Variants in C1orf21 observed in about 807,000 individuals in gnomAD.
C1orf21 encodes uncharacterized protein C1orf21.
A neutral mutation model predicts 18.7 loss-of-function variants in C1orf21; 3 were observed. The observed-to-expected ratio is 0.16, with a 90% CI of 0.07 to 0.42. The LOEUF (loss-of-function observed/expected upper bound fraction) is 0.42. Among genes scored for constraint, C1orf21 ranks in the 10% least tolerant of loss-of-function variants. The probability of loss-of-function intolerance (pLI) is 0.99; values close to 1 mark genes in which losing one functional copy is unlikely to be tolerated. For synonymous variants in C1orf21, 41 were observed against 46.4 expected (o/e 0.88, Z 0.47); for missense variants, 104 against 143.6 (o/e 0.72, Z 1.41).
intron 5 of C1orf21, among the ~76,000 whole-genome samples, chr1:184,610,826 A>G (rs1659724181): frequency 6.6e-6 from 1 of 151,074 alleles, no homozygotes; most frequent in Non-Finnish European, 1.5e-5. Context: ...CAGCCTGAGC[A>G]ACAGAGCGAG....
rs191709889 is a variant in C1orf21, at chr1:184,621,250, T to A, written c.*1694T>A. 5.2e-5 allele frequency: 8 copies of A among 152,776 alleles called. No individual in the cohort carries two copies. The highest frequency in any genetic ancestry group is 1.9e-4 in the African/African-American group (8 of 41,588). The allele number at this position is 152,776 out of a possible 1,614,324, so 9.5% of individuals were successfully genotyped here. On this transcript the variant is annotated 3_prime_UTR_variant, in exon 6 of 6. Transcript: ENST00000235307. ...GGGAAGGAAACTTAGCAGAGTGCTATTGACTATAGATTCACATATTAGCAA... is the reference window on the plus strand; with the variant it reads ...GGGAAGGAAACTTAGCAGAGTGCTAATGACTATAGATTCACATATTAGCAA...
intron 1 of C1orf21, among the ~76,000 whole-genome samples, chr1:184,390,410 A>C (rs1253133584): frequency 6.6e-6 from 1 of 152,326 alleles, no homozygotes; most frequent in East Asian, 1.9e-4. Context: ...AGGGTATGGC[A>C]GGTCTGATCT....
chr1:184,541,272 C>T (rs1658646274), intron 3 of C1orf21, among the ~76,000 whole-genome samples: 1 of 152,114 alleles, frequency 6.6e-6, no homozygotes, highest in Non-Finnish European at 1.5e-5. Flanking sequence ...TCACACACAG[C>T]CAGTGTGTTA....
intron 3 of C1orf21, among the ~76,000 whole-genome samples, chr1:184,550,037 G>T (rs1658790641): frequency 6.6e-6 from 1 of 152,126 alleles, no homozygotes. Context: ...ACCTGATTTG[G>T]CCCAACTGTA....
intron 2 of C1orf21, among the ~76,000 whole-genome samples, chr1:184,485,832 A>G (rs1049674829): frequency 6.6e-6 from 1 of 152,106 alleles, no homozygotes; most frequent in Non-Finnish European, 1.5e-5. Context: ...TGAAGCTGTT[A>G]TTTCCCGAAG....
At chr1:184,513,990 G>T (rs188344345) in intron 3 of C1orf21, among the ~76,000 whole-genome samples, 1 of 152,270 alleles carries the variant, frequency 6.6e-6, no homozygotes, top group Admixed American at 6.5e-5. Context: ...GAGAAGCCTT[G>T]TTCCTACATC....
At chr1:184,583,725 G>A (rs1044429773) in intron 3 of C1orf21, among the ~76,000 whole-genome samples, 1 of 152,160 alleles carries the variant, frequency 6.6e-6, no homozygotes, top group Middle Eastern at 3.2e-3. Context: ...TCTTGAGTGG[G>A]GCCTGGGAAA....
chr1:184,537,423 A>G (rs986304773), intron 3 of C1orf21, among the ~76,000 whole-genome samples: 2 of 152,216 alleles, frequency 1.3e-5, no homozygotes, highest in South Asian at 2.1e-4. Flanking sequence ...TTCACTTAGC[A>G]TAATGTTCTG....
intron 3 of C1orf21, among the ~76,000 whole-genome samples, chr1:184,514,980 A>C (rs1308331443): frequency 1.3e-5 from 2 of 152,224 alleles, no homozygotes; most frequent in African/African-American, 4.8e-5. Context: ...AATTACTAAC[A>C]GTGGATACCT....
chr1:184,511,949 A>T (rs1260052528), intron 3 of C1orf21, among the ~76,000 whole-genome samples: 1 of 152,168 alleles, frequency 6.6e-6, no homozygotes, highest in African/African-American at 2.4e-5. Flanking sequence ...TTCCCCTTAC[A>T]AGTGAAGATT....
intron 2 of C1orf21, among the ~76,000 whole-genome samples, chr1:184,493,618 A>G (rs1169223981): frequency 6.6e-6 from 1 of 152,250 alleles, no homozygotes; most frequent in Non-Finnish European, 1.5e-5. Context: ...ATAACCAAAG[A>G]AGAAATTGTC....
chr1:184,521,498 G>T (rs1263038399), intron 3 of C1orf21, among the ~76,000 whole-genome samples: 1 of 152,146 alleles, frequency 6.6e-6, no homozygotes, highest in Admixed American at 6.5e-5. Flanking sequence ...AGTGCATATT[G>T]CTAAGTGAGA....
At chr1:184,618,419 G>A (rs188403052) in intron 5 of C1orf21, among the ~76,000 whole-genome samples, 79 of 152,230 alleles carry the variant, frequency 5.2e-4, no homozygotes, top group African/African-American at 1.7e-3. Context: ...CCCAGAGCTA[G>A]GAAGTCACAG....
chr1:184,594,208 T>G (rs1659483759), intron 4 of C1orf21, among the ~76,000 whole-genome samples: 1 of 152,206 alleles, frequency 6.6e-6, no homozygotes, highest in African/African-American at 2.4e-5. Context: ...AGGATGAATC[T>G]ACTTCCCTGA....
chr1:184,538,478 A>AT (rs985423368), intron 3 of C1orf21, among the ~76,000 whole-genome samples: 56 of 151,930 alleles, frequency 3.7e-4, no homozygotes, highest in African/African-American at 1.2e-3. Flanking sequence ...ATGAAATCCA[A>AT]TTTTTTTTCT....
intron 3 of C1orf21, among the ~76,000 whole-genome samples, chr1:184,539,714 T>A (rs1156510364): frequency 6.6e-6 from 1 of 152,238 alleles, no homozygotes; most frequent in African/African-American, 2.4e-5. Flanking sequence ...ACATGGTCAC[T>A]AGTATTCCAA....
chr1:184,460,380 G>C (rs150729922), intron 1 of C1orf21, among the ~76,000 whole-genome samples: 1 of 152,280 alleles, frequency 6.6e-6, no homozygotes, highest in East Asian at 1.9e-4. Flanking sequence ...TAGAAGTTGA[G>C]TTGTGTATGT....
At chr1:184,552,244 G>A (rs935899617) in intron 3 of C1orf21, among the ~76,000 whole-genome samples, 9 of 152,116 alleles carry the variant, frequency 5.9e-5, no homozygotes, top group Non-Finnish European at 1.0e-4. Flanking sequence ...GCAAAGGATA[G>A]GAATAGATAA....
intron 1 of C1orf21, among the ~76,000 whole-genome samples, chr1:184,455,564 G>GT (rs1479393471): frequency 1.3e-5 from 2 of 152,136 alleles, no homozygotes; most frequent in African/African-American, 4.8e-5. Flanking sequence ...CCTTACAGGT[G>GT]TTTTTTCCCT....
Sources: allele counts gnomAD v4.1 joint callset (sites outside exome capture counted in the v4.1 genomes callset), GRCh38; gene constraint gnomAD v4.1.1; transcripts MANE v1.5; gene names NCBI Gene and HGNC (gene_info 2026-07-23, HGNC 2026-07-21).